TRIM55: variants seen among roughly 807,000 people sequenced by gnomAD.
TRIM55 encodes the protein tripartite motif containing 55.
In TRIM55, 50 loss-of-function variants were observed where a neutral mutation model predicts 60.9. That is an observed-to-expected ratio of 0.82 (90% CI 0.65 to 1.04). The LOEUF is 1.04. TRIM55 is among the 50% of genes least tolerant of loss of function. The probability of loss-of-function intolerance (pLI) is 0.00; values close to 1 mark genes in which losing one functional copy is unlikely to be tolerated. For synonymous variants in TRIM55, 237 were observed against 238.1 expected, an observed-to-expected ratio of 1.00 and a Z score of 0.04; for missense variants, 681 against 666.9, an observed-to-expected ratio of 1.02 and a Z score of -0.23.
chr8:66,132,718 CAA>C (rs1329252802), intron 2 of TRIM55, among the ~76,000 whole-genome samples: 1 of 152,148 alleles, frequency 6.6e-6, no homozygotes, highest in African/African-American at 2.4e-5. Context: ...AAATCGGTCC[CAA>C]GTCAGTTACA....
chr8:66,123,764 G>A (rs1373773851), upstream of TRIM55, among the ~76,000 whole-genome samples: 1 of 152,168 alleles, frequency 6.6e-6, no homozygotes, highest in Non-Finnish European at 1.5e-5. Flanking sequence ...AGGCTGAGGT[G>A]GGGGGATTGC....
chr8:66,141,662 C>T (rs1809825840), intron 4 of TRIM55, among the ~76,000 whole-genome samples: 1 of 152,210 alleles, frequency 6.6e-6, no homozygotes, highest in South Asian at 2.1e-4. Flanking sequence ...CTGGCCATCC[C>T]AAAGGCAGGC....
At chr8:66,137,367 C>T (rs1809540897) in intron 4 of TRIM55, among the ~76,000 whole-genome samples, 177 bp downstream of exon 4, 1 of 152,198 alleles carries the variant, frequency 6.6e-6, no homozygotes, top group African/African-American at 2.4e-5. Context: ...GAGACATTAT[C>T]ACATGAGTCA....
intron 9 of TRIM55, among the ~76,000 whole-genome samples, chr8:66,161,495 C>T (rs901473185): frequency 2.0e-5 from 3 of 151,886 alleles, no homozygotes; most frequent in Non-Finnish European, 2.9e-5. Context: ...CTTAGTCTTT[C>T]TTTGGCTTAT....
chr8:66,118,100 C>T, the TRIM55 span, among the ~76,000 whole-genome samples: 7 of 124,688 alleles, frequency 5.6e-5, no homozygotes, highest in African/African-American at 1.8e-4. Context: ...ACCCGGGAGG[C>T]GGAGCTTGCA....
At chr8:66,126,693 C>T (rs752244489), upstream of TRIM55, among the ~76,000 whole-genome samples, 5 of 152,120 alleles carry the variant, frequency 3.3e-5, no homozygotes, top group East Asian at 1.9e-4. Context: ...TAACAATTTT[C>T]GAGACATGTT....
intron 4 of TRIM55, 90 bp downstream of exon 4, chr8:66,137,280 T>C: frequency 2.2e-6 from 2 of 896,278 alleles, no homozygotes; most frequent in Non-Finnish European, 3.5e-6. Flanking sequence ...ACATCCCTAT[T>C]CTGACCTTTC....
At chr8:66,123,069 G>A (rs373540412), upstream of TRIM55, among the ~76,000 whole-genome samples, 25 of 152,224 alleles carry the variant, frequency 1.6e-4, no homozygotes, top group East Asian at 5.8e-4. Flanking sequence ...CCTGCTACCC[G>A]GAAGCTTCTT....
chr8:66,139,273 AT>A (rs1231776191), intron 4 of TRIM55, among the ~76,000 whole-genome samples: 5 of 152,142 alleles, frequency 3.3e-5, no homozygotes, highest in African/African-American at 4.8e-5. Context: ...TTTACCGGAG[AT>A]GTCTGTTGGA....
chr8:66,118,168 CAAAAA>C, the TRIM55 span, among the ~76,000 whole-genome samples: 438 of 39,820 alleles, frequency 0.011, no homozygotes, highest in African/African-American at 0.022. Flanking sequence ...GACTCCGTCT[CAAAAA>C]AAAAAAAAAA....
chr8:66,156,653 A>G (rs1418995705), intron 9 of TRIM55, among the ~76,000 whole-genome samples: 5 of 152,128 alleles, frequency 3.3e-5, no homozygotes, highest in Non-Finnish European at 7.3e-5. Flanking sequence ...TTCAGGGTCA[A>G]TGGTGCTGAA....
intron 4 of TRIM55, among the ~76,000 whole-genome samples, chr8:66,143,234 G>A (rs1269506499): frequency 1.3e-5 from 2 of 152,234 alleles, no homozygotes; most frequent in East Asian, 1.9e-4. Flanking sequence ...CATGGTAAGA[G>A]CAGTGGTCAT....
intron 8 of TRIM55, 103 bp from the exon 9 acceptor site, chr8:66,153,944 A>C: frequency 3.6e-6 from 4 of 1,097,802 alleles, no homozygotes; most frequent in Non-Finnish European, 5.1e-6. Context: ...GCATGCAGGG[A>C]GCGCACAGTG....
intron 9 of TRIM55, 25 bp downstream of exon 9, chr8:66,154,359 A>T: frequency 1.9e-6 from 3 of 1,607,838 alleles, no homozygotes; most frequent in Non-Finnish European, 2.6e-6. Context: ...ACTTGTGTCT[A>T]TGCTTTCCCG....
At chr8:66,118,093 C>T in the TRIM55 span, among the ~76,000 whole-genome samples, 2 of 130,556 alleles carry the variant, frequency 1.5e-5, no homozygotes, top group African/African-American at 5.8e-5. Flanking sequence ...GGCGTGAACC[C>T]GGGAGGCGGA....
chr8:66,160,962 T>C (rs907463337), intron 9 of TRIM55, among the ~76,000 whole-genome samples: 19 of 152,228 alleles, frequency 1.2e-4, no homozygotes, highest in Admixed American at 3.9e-4. Context: ...TTTCTTCCAC[T>C]CTATGGGTTG....
chr8:66,152,854 C>T (rs1810518204), intron 8 of TRIM55, among the ~76,000 whole-genome samples: 1 of 151,736 alleles, frequency 6.6e-6, no homozygotes, highest in Non-Finnish European at 1.5e-5. Flanking sequence ...TTTAATACAA[C>T]TTTCCCACCA....
At chr8:66,155,682 G>T in intron 9 of TRIM55, 1 of 1,612,800 alleles carries the variant, frequency 6.2e-7, no homozygotes, top group Non-Finnish European at 8.5e-7. Context: ...TCTGGAGTCA[G>T]ATTCAGTGCT....
At chr8:66,159,438 A>G (rs971474132) in intron 9 of TRIM55, among the ~76,000 whole-genome samples, 1 of 152,136 alleles carries the variant, frequency 6.6e-6, no homozygotes, top group African/African-American at 2.4e-5. Context: ...TCTGTTCATC[A>G]CTTGATGGAT....
Sources: allele counts gnomAD v4.1 joint callset (sites outside exome capture counted in the v4.1 genomes callset), GRCh38; gene constraint gnomAD v4.1.1; transcripts MANE v1.5; gene names NCBI Gene and HGNC (gene_info 2026-07-23, HGNC 2026-07-21).